The following PRTG variants were observed in gnomAD, a reference collection of about 807,000 sequenced individuals.
PRTG encodes the protein protogenin, also known as immunoglobulin superfamily, DCC subclass, member 5.
A neutral mutation model predicts 122.5 loss-of-function variants in PRTG; 67 were observed. The ratio of observed to expected loss-of-function variants is 0.55; its 90% confidence interval spans 0.45 to 0.67. PRTG has a LOEUF of 0.67. Ranked by LOEUF, PRTG falls within the 30% of genes least tolerant of loss-of-function variation. The probability of loss-of-function intolerance (pLI) is 0.00; values close to 1 mark genes in which losing one functional copy is unlikely to be tolerated. For synonymous variants in PRTG, 554 were observed against 501.1 expected (o/e 1.11, Z -1.41); for missense variants, 1,435 against 1,415.4 (o/e 1.01, Z -0.22).
At chr15:55,675,861 T>C (rs1011727370) in intron 8 of PRTG, among the ~76,000 whole-genome samples, 178 bp from the exon 9 acceptor site, 3 of 152,144 alleles carry the variant, frequency 2.0e-5, no homozygotes, top group Admixed American at 6.5e-5. Context: ...CATATTTCAC[T>C]ACAAATTATT....
intron 11 of PRTG, among the ~76,000 whole-genome samples, chr15:55,671,108 A>C (rs566586113): frequency 3.3e-4 from 50 of 152,364 alleles, no homozygotes; most frequent in Non-Finnish European, 4.4e-4. Context: ...CCACAGGATG[A>C]AGTTCTGTGT....
chr15:55,619,859 G>A lies in PRTG; in HGVS notation c.*153C>T, dbSNP rs80194880. 3.0e-3 allele frequency: 3,942 copies of A among 1,305,772 alleles called. 121 individuals carry two copies. The Admixed American group carries it at 0.06, about 20-fold the overall frequency. 80.9% of individuals were successfully genotyped at this position (1,305,772 alleles called of 1,614,324 possible). On this transcript the variant is annotated 3_prime_UTR_variant, in exon 20 of 20. Transcript: ENST00000389286. ...ATGGTGAGAATACCTGAGCATGGCC[G>A]TCTAGATTGGAAAATCATTTTTATC...
At chr15:55,682,230 T>C (rs1478893722) in intron 4 of PRTG, 134 bp downstream of exon 4, 27 of 709,346 alleles carry the variant, frequency 3.8e-5, no homozygotes, top group Non-Finnish European at 5.2e-5. Context: ...TAACTAAAAA[T>C]GACCATTTTC....
chr15:55,686,455 T>G (rs2059571080), intron 2 of PRTG, among the ~76,000 whole-genome samples: 3 of 152,168 alleles, frequency 2.0e-5, no homozygotes, highest in Admixed American at 2.0e-4. Context: ...ACTTTAACAA[T>G]TTCTTCTTCC....
chr15:55,612,746 A>T lies in PRTG; in HGVS notation c.*7266T>A, dbSNP rs944398492. The stretch of plus-strand genomic sequence containing the variant: ...TATATATATATATATATATATATAT[A>T]TATGACTTAAATTGGAGTAAGATGA... On this transcript the variant is annotated 3_prime_UTR_variant, in exon 20 of 20. Coordinates refer to ENST00000389286, the MANE Select transcript of PRTG (RefSeq NM_173814.6). The T allele has an allele frequency of 1.2e-4, 14 of 120,796 alleles. No homozygotes were observed. Among genetic ancestry groups the T allele is most frequent in the Admixed American group, 4.3e-4 (5 of 11,672 alleles). The allele number at this position is 120,796 out of a possible 1,614,324, so 7.5% of individuals were successfully genotyped here.
intron 2 of PRTG, chr15:55,738,641 C>A: frequency 1.6e-6 from 1 of 615,924 alleles, no homozygotes; most frequent in Non-Finnish European, 2.9e-6. Flanking sequence ...ATAAAAAGCA[C>A]ACTATCTTTA....
rs572900998 is a variant in PRTG at position 55,634,611 on chromosome 15, TG to T, written c.2623+2558del. Among the ~76,000 whole-genome samples the T allele has an allele frequency of 1.1e-3, 170 of 151,820 alleles. 8 individuals are homozygous for T. In the South Asian group the frequency reaches 0.034, roughly 30 times the overall value. ...ATCCTAGCACTTTGGGAGGCTGAGG[TG>T]GGCAGATTGCCTGAGCTCAGGAGTT... On this transcript the variant is annotated intron_variant, in intron 15 of 19. Transcript: ENST00000389286.
At chr15:55,626,170 C>G (rs1378593567) in intron 17 of PRTG, among the ~76,000 whole-genome samples, 2 of 152,128 alleles carry the variant, frequency 1.3e-5, no homozygotes, top group African/African-American at 2.4e-5. Flanking sequence ...AATTGCAGTA[C>G]TTTGGGAGGC....
intron 3 of PRTG, among the ~76,000 whole-genome samples, chr15:55,683,381 A>G (rs1284244408): frequency 1.3e-5 from 2 of 152,124 alleles, no homozygotes; most frequent in African/African-American, 4.8e-5. Flanking sequence ...GTGCATTTGT[A>G]GTAAAGAGGG....
At chr15:55,732,153 T>C (rs1490114203) in intron 2 of PRTG, among the ~76,000 whole-genome samples, 1 of 152,252 alleles carries the variant, frequency 6.6e-6, no homozygotes, top group Non-Finnish European at 1.5e-5. Flanking sequence ...GTCCATTGTT[T>C]GACTGGAATG....
intron 2 of PRTG, among the ~76,000 whole-genome samples, chr15:55,699,423 T>C (rs2059649830): frequency 6.6e-6 from 1 of 152,172 alleles, no homozygotes; most frequent in African/African-American, 2.4e-5. Context: ...CTAAAAGTCA[T>C]AGTGCTTTAT....
intron 2 of PRTG, among the ~76,000 whole-genome samples, chr15:55,705,556 C>A: frequency 6.6e-6 from 1 of 152,206 alleles, no homozygotes; most frequent in South Asian, 2.1e-4. Context: ...CAGGTTCAAG[C>A]GATTCTCCTG....
intron 2 of PRTG, among the ~76,000 whole-genome samples, chr15:55,702,030 C>G (rs895524782): frequency 1.3e-5 from 2 of 152,072 alleles, no homozygotes; most frequent in Admixed American, 6.6e-5. Context: ...CAACTCTACA[C>G]ATGTGTTAAA....
chr15:55,740,804 T>C, intron 1 of PRTG, 120 bp from the exon 2 acceptor site: 1 of 841,912 alleles, frequency 1.2e-6, no homozygotes. Flanking sequence ...TAAATTTTAT[T>C]AGTTAACTTA....
At chr15:55,710,859 A>T (rs1193026165) in intron 2 of PRTG, among the ~76,000 whole-genome samples, 1 of 152,062 alleles carries the variant, frequency 6.6e-6, no homozygotes, top group Non-Finnish European at 1.5e-5. Flanking sequence ...CCCCGAGACG[A>T]CTTGCCTCTC....
At chr15:55,629,375 ATGTGTGTGTGTGTGTGTGTGTGTG>A (rs59080250) in intron 15 of PRTG, among the ~76,000 whole-genome samples, 3 of 47,936 alleles carry the variant, frequency 6.3e-5, no homozygotes, top group African/African-American at 2.0e-4. Flanking sequence ...ATATATATAT[ATGTGTGTGTGTGTGTGTGTGTGTG>A]TGTGTGTGTG....
chr15:55,669,069 G>A lies in PRTG; in HGVS notation c.2041+3376C>T, dbSNP rs571760926. ...TGAATTGAAATACATAAGTTCATTC[G>A]TCTTTTTCTTTCTTCCAGAAACAAA... is the stretch of plus-strand genomic sequence containing the variant. On this transcript the variant is annotated intron_variant, in intron 11 of 19. Coordinates refer to ENST00000389286, the MANE Select transcript of PRTG (RefSeq NM_173814.6). Among the ~76,000 whole-genome samples the A allele has an allele frequency of 2.0e-5, 3 of 151,770 alleles. No individual in the cohort carries two copies. The South Asian group carries it at 6.2e-4, about 32-fold the overall frequency.
At chr15:55,645,276 A>G (rs1275626293) in intron 11 of PRTG, among the ~76,000 whole-genome samples, 1 of 149,602 alleles carries the variant, frequency 6.7e-6, no homozygotes, top group Non-Finnish European at 1.5e-5. Flanking sequence ...TCTACTAAAA[A>G]TACAAAAATT....
intron 2 of PRTG, among the ~76,000 whole-genome samples, chr15:55,696,916 T>C (rs2059635114): frequency 6.6e-6 from 1 of 152,224 alleles, no homozygotes; most frequent in Non-Finnish European, 1.5e-5. Flanking sequence ...AGAGACTTTG[T>C]AACAAAGTTG....
Sources: gnomAD v4.1 joint callset for allele counts (sites outside exome capture counted in the v4.1 genomes callset) on GRCh38, gnomAD v4.1.1 for gene constraint, MANE v1.5 for transcripts, NCBI Gene and HGNC (gene_info 2026-07-23, HGNC 2026-07-21) for gene names.